Variants in SLCO1A2 observed in about 807,000 individuals in gnomAD.
SLCO1A2 encodes the protein OATP-1.
In SLCO1A2, 67 loss-of-function variants were observed where a neutral mutation model predicts 69.0. The observed-to-expected ratio is 0.97, with a 90% CI of 0.80 to 1.19. SLCO1A2 has a LOEUF of 1.19. Ranked by LOEUF, SLCO1A2 falls within the 50% of genes most tolerant of loss-of-function variation. The probability of loss-of-function intolerance (pLI) is 0.00; values close to 1 mark genes in which losing one functional copy is unlikely to be tolerated. For missense variants in SLCO1A2, 787 were observed against 793.7 expected (o/e 0.99, Z 0.10); for synonymous variants, 260 against 265.9 (o/e 0.98, Z 0.22).
intron 2 of SLCO1A2, among the ~76,000 whole-genome samples, chr12:21,321,373 C>T (rs11045972): frequency 0.09 from 13,725 of 152,192 alleles, 865 homozygotes; most frequent in Non-Finnish European, 0.13. Context: ...CAGTTTAGCT[C>T]AGACAATTGA....
chr12:21,336,839 G>C (rs1952907952), upstream of SLCO1A2, among the ~76,000 whole-genome samples: 1 of 151,954 alleles, frequency 6.6e-6, no homozygotes, highest in South Asian at 2.1e-4. Flanking sequence ...AGTGACTTCT[G>C]CTCCCAGGAC....
intron 2 of SLCO1A2, among the ~76,000 whole-genome samples, chr12:21,320,197 A>G (rs1481216646): frequency 6.6e-6 from 1 of 152,124 alleles, no homozygotes; most frequent in Non-Finnish European, 1.5e-5. Flanking sequence ...AGCCAATCAC[A>G]CAACTTATTT....
chr12:21,376,851 A>C (rs2137107821), intron 1 of SLCO1A2, among the ~76,000 whole-genome samples: 1 of 152,202 alleles, frequency 6.6e-6, no homozygotes, highest in South Asian at 2.1e-4. Context: ...TAACTATTTC[A>C]TTTTCCATTT....
intron 5 of SLCO1A2, among the ~76,000 whole-genome samples, chr12:21,305,294 C>T (rs932871044): frequency 1.3e-5 from 2 of 152,142 alleles, no homozygotes; most frequent in African/African-American, 4.8e-5. Context: ...ATCTCTTTGC[C>T]ATCTATGTTC....
At chr12:21,378,106 C>A in intron 1 of SLCO1A2, 2 of 801,348 alleles carry the variant, frequency 2.5e-6, no homozygotes, top group Non-Finnish European at 4.0e-6. Context: ...TGTTTGCAAA[C>A]CAAAACACTG....
Position 21,334,842 on chromosome 12 carries a change from A to G in SLCO1A2, c.-78T>C, listed in dbSNP as rs555531030. On this transcript the variant is annotated 5_prime_UTR_variant, in exon 1 of 15. Coordinates refer to ENST00000683939, the MANE Select transcript of SLCO1A2 (RefSeq NM_001386879.1). ...ACAAAAATACCTGGAACGCTTTAAT[A>G]CAGATTAGAAAATCATGGTGTTAGA... 1.8e-4 allele frequency: 85 copies of G among 482,888 alleles called. No homozygotes were observed. The highest frequency in any genetic ancestry group is 1.5e-3 in the African/African-American group (76 of 49,762). 29.9% of individuals were successfully genotyped at this position (482,888 alleles called of 1,614,324 possible). A position where few individuals can be genotyped will look rare whatever the true frequency, so the allele number is the denominator to read the frequency against.
intron 2 of SLCO1A2, among the ~76,000 whole-genome samples, chr12:21,348,281 T>C (rs1937660811): frequency 6.6e-6 from 1 of 152,210 alleles, no homozygotes; most frequent in Admixed American, 6.5e-5. Flanking sequence ...TTAAAATGTA[T>C]GGTTAAGTCA....
At chr12:21,363,299 G>A (rs1315455247) in intron 2 of SLCO1A2, among the ~76,000 whole-genome samples, 1 of 152,006 alleles carries the variant, frequency 6.6e-6, no homozygotes, top group Admixed American at 6.6e-5. Context: ...ATGACTACTG[G>A]GTACATAACG....
At chr12:21,377,386 TTATTA>T (rs748767371) in intron 1 of SLCO1A2, among the ~76,000 whole-genome samples, 8 of 152,300 alleles carry the variant, frequency 5.3e-5, no homozygotes, top group East Asian at 3.9e-4. Context: ...ATTTTTTACT[TTATTA>T]TATTTCATTT....
chr12:21,364,948 T>A (rs56278672), intron 2 of SLCO1A2, among the ~76,000 whole-genome samples: 11,468 of 152,232 alleles, frequency 0.075, 480 homozygotes, highest in African/African-American at 0.12. Context: ...GAAGAATCAA[T>A]GTTGTGAAAA....
intron 3 of SLCO1A2, among the ~76,000 whole-genome samples, chr12:21,316,594 T>C (rs1950899554): frequency 6.6e-6 from 1 of 151,650 alleles, no homozygotes; most frequent in Non-Finnish European, 1.5e-5. Context: ...TTTTTCATAA[T>C]ACCATTTTCT....
chr12:21,373,878 C>A, intron 2 of SLCO1A2: 1 of 490,866 alleles, frequency 2.0e-6, no homozygotes, highest in Non-Finnish European at 3.6e-6. Flanking sequence ...ATGTTAAAAA[C>A]TTTTACATCT....
intron 4 of SLCO1A2, among the ~76,000 whole-genome samples, chr12:21,310,407 C>T (rs1949967088): frequency 6.6e-6 from 1 of 152,220 alleles, no homozygotes; most frequent in Non-Finnish European, 1.5e-5. Flanking sequence ...TCATCTGAGC[C>T]TTCAGCGAGT....
chr12:21,330,527 G>A (rs142876404), intron 2 of SLCO1A2, among the ~76,000 whole-genome samples: 1 of 151,790 alleles, frequency 6.6e-6, no homozygotes, highest in Non-Finnish European at 1.5e-5. Flanking sequence ...TAAAATAAAA[G>A]TAAAAAGTTA....
chr12:21,292,303 C>G lies in SLCO1A2; in HGVS notation c.1471G>C (p.Gly491Arg). 8.7e-6 allele frequency: 14 copies of G among 1,611,690 alleles called. No homozygotes were observed. The highest frequency in any genetic ancestry group is 1.2e-5 in the Non-Finnish European group (14 of 1,178,570). ...FQNCSCIQTS[G>R]NSSAVLGLCD... is the part of the protein sequence containing the mutation. Reference sequence around the variant, plus strand: ...AGCCCAAGAACTGCAGATGAATTTCCTGATGTTTGAATACAGCTGCAATTT... The same window carrying G: ...AGCCCAAGAACTGCAGATGAATTTCGTGATGTTTGAATACAGCTGCAATTT... Residue 491 changes from glycine to arginine, a missense_variant, in exon 12 of 15, where the codon GGA (glycine) becomes CGA (arginine). By Grantham distance (125) the Gly-to-Arg change is moderately radical. Transcript: ENST00000683939.
intron 1 of SLCO1A2, among the ~76,000 whole-genome samples, chr12:21,414,768 T>C (rs977196876): frequency 3.9e-5 from 6 of 152,198 alleles, no homozygotes; most frequent in African/African-American, 1.2e-4. Flanking sequence ...AATGAAAGGA[T>C]GTACTGAAAT....
At chr12:21,383,939 A>T (rs1038929091) in intron 1 of SLCO1A2, among the ~76,000 whole-genome samples, 5 of 148,742 alleles carry the variant, frequency 3.4e-5, no homozygotes, top group Non-Finnish European at 7.4e-5. Flanking sequence ...TAATGAAAAA[A>T]CAAATTATTT....
chr12:21,391,310 T>C (rs1005789285), intron 1 of SLCO1A2, among the ~76,000 whole-genome samples: 4 of 152,156 alleles, frequency 2.6e-5, no homozygotes, highest in Non-Finnish European at 4.4e-5. Context: ...ACTGTCCTTA[T>C]CAATTTCAGT....
At chr12:21,271,840 A>G (rs897300770) in intron 14 of SLCO1A2, among the ~76,000 whole-genome samples, 13 of 148,420 alleles carry the variant, frequency 8.8e-5, no homozygotes, top group Non-Finnish European at 1.6e-4. Flanking sequence ...TTATATACAT[A>G]TTTATATACA....
Sources: gnomAD v4.1 joint callset for allele counts (sites outside exome capture counted in the v4.1 genomes callset) on GRCh38, gnomAD v4.1.1 for gene constraint, MANE v1.5 for transcripts, NCBI Gene and HGNC (gene_info 2026-07-23, HGNC 2026-07-21) for gene names.